The following CASQ2 variants were observed in gnomAD, a reference collection of about 807,000 sequenced individuals.
CASQ2 encodes the protein calsequestrin-2.
CASQ2 carries 49 observed loss-of-function variants against 46.5 expected under a neutral mutation model. The observed-to-expected ratio is 1.05, with a 90% CI of 0.84 to 1.34. CASQ2 has a LOEUF of 1.34. Ranked by LOEUF, CASQ2 falls within the 40% of genes most tolerant of loss-of-function variation. The pLI is 0.00. For missense variants in CASQ2, 486 were observed against 481.3 expected (o/e 1.01, Z -0.09); for synonymous variants, 174 against 168.5 (o/e 1.03, Z -0.25).
At chr1:115,717,788 G>A in intron 8 of CASQ2, 52 bp downstream of exon 8, 1 of 1,325,768 alleles carries the variant, frequency 7.5e-7, no homozygotes, top group South Asian at 1.2e-5. Context: ...TGGCAAAGGT[G>A]AGAAATCAGT....
At chr1:115,738,885 C>A (rs1287318282) in intron 3 of CASQ2, among the ~76,000 whole-genome samples, 1 of 150,902 alleles carries the variant, frequency 6.6e-6, no homozygotes, top group Admixed American at 6.6e-5. Flanking sequence ...ATTCCCACCA[C>A]CCCCACCCCA....
chr1:115,760,764 G>A (rs1434201864), intron 1 of CASQ2, among the ~76,000 whole-genome samples: 1 of 152,174 alleles, frequency 6.6e-6, no homozygotes. Flanking sequence ...TGTGGCCAAA[G>A]TTGAGAACTA....
At chr1:115,713,874 T>C (rs56219376) in intron 8 of CASQ2, among the ~76,000 whole-genome samples, 2,185 of 152,284 alleles carry the variant, frequency 0.014, 62 homozygotes, top group African/African-American at 0.05. Context: ...GATTTCCCAC[T>C]ATTCCTATAA....
At chr1:115,742,178 T>A (rs1648204599) in intron 2 of CASQ2, among the ~76,000 whole-genome samples, 1 of 151,964 alleles carries the variant, frequency 6.6e-6, no homozygotes, top group Non-Finnish European at 1.5e-5. Context: ...TGCTGGCTAA[T>A]TTTTCATATA....
chr1:115,725,397 C>T (rs1281528708), intron 7 of CASQ2, 111 bp downstream of exon 7: 3 of 1,194,914 alleles, frequency 2.5e-6, no homozygotes, highest in Admixed American at 3.4e-5. Context: ...ATCTAGACAT[C>T]CACCTCAGCC....
At chr1:115,754,492 A>G (rs987675380) in intron 1 of CASQ2, among the ~76,000 whole-genome samples, 5 of 152,194 alleles carry the variant, frequency 3.3e-5, no homozygotes, top group African/African-American at 4.8e-5. Context: ...TATTGCTCCA[A>G]CTGCCTTACA....
At chr1:115,768,230 T>C (rs1649196620) in intron 1 of CASQ2, 78 bp downstream of exon 1, 3 of 939,670 alleles carry the variant, frequency 3.2e-6, no homozygotes, top group Non-Finnish European at 1.8e-6. Flanking sequence ...CTCGTTCCCA[T>C]ATCCCAACCC....
intron 7 of CASQ2, among the ~76,000 whole-genome samples, 178 bp downstream of exon 7, chr1:115,725,330 G>A (rs1355434881): frequency 6.6e-6 from 1 of 152,060 alleles, no homozygotes; most frequent in Admixed American, 6.5e-5. Context: ...GCCTCCCAGA[G>A]TGCTGGGATT....
chr1:115,725,573 A>AG lies in CASQ2; in HGVS notation c.738-21_738-20insC, dbSNP rs1297416660. 5.6e-6 allele frequency: 9 copies of AG among 1,602,358 alleles called. No individual in the cohort carries two copies. Among genetic ancestry groups the AG allele is most frequent in the African/African-American group, 1.4e-5 (1 of 73,500 alleles). ...GTGGGTCTGGAAAAAAAAAAAAAAA[A>AG]AAAAAAAGAAAGAGCTTCCTTGAGT... On this transcript the variant is annotated intron_variant, in intron 6 of 10. Transcript: ENST00000261448.
intron 2 of CASQ2, among the ~76,000 whole-genome samples, chr1:115,741,266 C>T (rs1007496600): frequency 6.6e-6 from 1 of 152,180 alleles, no homozygotes; most frequent in Non-Finnish European, 1.5e-5. Flanking sequence ...CTCTCTTGTC[C>T]CCTGTGGGAC....
At chr1:115,704,757 C>T (rs762939533) in intron 9 of CASQ2, among the ~76,000 whole-genome samples, 10 of 152,196 alleles carry the variant, frequency 6.6e-5, no homozygotes, top group East Asian at 1.9e-4. Flanking sequence ...ATGACAGGCA[C>T]GCTCGCTTTC....
intron 1 of CASQ2, 69 bp from the exon 2 acceptor site, chr1:115,744,981 T>C: frequency 9.4e-7 from 1 of 1,061,244 alleles, no homozygotes; most frequent in Non-Finnish European, 1.5e-6. Context: ...ACAGGATTAC[T>C]ATCCTCATGT....
At chr1:115,762,707 C>T (rs1210717327) in intron 1 of CASQ2, among the ~76,000 whole-genome samples, 2 of 152,144 alleles carry the variant, frequency 1.3e-5, no homozygotes, top group African/African-American at 2.4e-5. Flanking sequence ...GAAGCTCACC[C>T]GGAAAAAGCT....
At chr1:115,718,242 A>G (rs1171497031) in intron 7 of CASQ2, among the ~76,000 whole-genome samples, 3 of 152,206 alleles carry the variant, frequency 2.0e-5, no homozygotes, top group Non-Finnish European at 4.4e-5. Context: ...GAGAAAGAAC[A>G]TGAGTCTGGT....
chr1:115,747,748 A>T (rs1648437139), intron 1 of CASQ2, among the ~76,000 whole-genome samples: 1 of 152,154 alleles, frequency 6.6e-6, no homozygotes, highest in African/African-American at 2.4e-5. Flanking sequence ...ATTGTATTGT[A>T]TTTTTAATTT....
chr1:115,718,013 C>G (rs1049180437), intron 7 of CASQ2, 119 bp from the exon 8 acceptor site: 1 of 764,170 alleles, frequency 1.3e-6, no homozygotes, highest in Non-Finnish European at 2.4e-6. Flanking sequence ...GGTGTGGAAG[C>G]GGGGATGAAC....
intron 1 of CASQ2, among the ~76,000 whole-genome samples, chr1:115,749,248 C>T (rs562472313): frequency 4.1e-4 from 63 of 152,342 alleles, no homozygotes; most frequent in African/African-American, 1.5e-3. Context: ...CTGATCTCTC[C>T]TAGGTACGCA....
intron 1 of CASQ2, among the ~76,000 whole-genome samples, chr1:115,747,584 T>C (rs1648430447): frequency 6.6e-6 from 1 of 152,208 alleles, no homozygotes; most frequent in Non-Finnish European, 1.5e-5. Context: ...ACATATTTAC[T>C]ATGTTGTCTT....
chr1:115,701,084 G>A lies in CASQ2; in HGVS notation c.*157C>T. The A allele has an allele frequency of 3.6e-6, 4 of 1,110,682 alleles. No individual in the cohort carries two copies. The highest frequency in any genetic ancestry group is 2.5e-5 in the South Asian group (2 of 78,736). 68.8% of individuals were successfully genotyped at this position (1,110,682 alleles called of 1,614,324 possible). ...GCATTTGAAAAGGCATTTGCTGAAT[G>A]ATGCTGCTCCTGACGCAAAGGGAGT... On this transcript the variant is annotated 3_prime_UTR_variant, in exon 11 of 11. Coordinates refer to ENST00000261448, the MANE Select transcript of CASQ2 (RefSeq NM_001232.4).
Sources: gnomAD v4.1 joint callset for allele counts (sites outside exome capture counted in the v4.1 genomes callset) on GRCh38, gnomAD v4.1.1 for gene constraint, MANE v1.5 for transcripts, NCBI Gene and HGNC (gene_info 2026-07-23, HGNC 2026-07-21) for gene names.